CCDC175: variants seen among roughly 807,000 people sequenced by gnomAD.
The protein encoded by CCDC175 is coiled-coil domain-containing protein 175.
Under a neutral mutation model 114.6 loss-of-function variants are expected in CCDC175, and 100 were observed. The observed-to-expected ratio is 0.87, with a 90% CI of 0.74 to 1.03. The LOEUF (loss-of-function observed/expected upper bound fraction) is 1.03, where lower values mean the gene tolerates loss of function less well. Among genes scored for constraint, CCDC175 ranks in the 50% least tolerant of loss-of-function variants. The pLI is 0.00. For synonymous variants in CCDC175, 306 were observed against 308.7 expected (o/e 0.99, Z 0.09); for missense variants, 880 against 917.8 (o/e 0.96, Z 0.53).
At position 59,576,713 on chromosome 14, in the gene CCDC175, G is replaced by T. The variant is rs1462152261; in HGVS notation, c.63C>A (p.Ala21=). Residue 21 remains alanine, a synonymous_variant, in exon 1 of 20, where the codon GCC becomes GCA. Transcript: ENST00000537690. ...GAGEKLVQAA[A]VSTGPSLELC... is the part of the protein sequence containing the mutation. The stretch of plus-strand genomic sequence containing the variant: ...ACTCCAGGGAGGGGCCAGTGGAGAC[G>T]GCAGCCGCCTGCACCAGCTTCTCGC... 1 of 1,479,430 alleles carries T rather than the reference G, an allele frequency of 6.8e-7. No individual in the cohort carries two copies. The allele number at this position is 1,479,430 out of a possible 1,614,324, so 91.6% of individuals were successfully genotyped here. A position where few individuals can be genotyped will look rare whatever the true frequency, so the allele number is the denominator to read the frequency against.
intron 3 of CCDC175, 26 bp from the exon 4 acceptor site, chr14:59,568,406 A>G: frequency 6.8e-7 from 1 of 1,472,828 alleles, no homozygotes; most frequent in Non-Finnish European, 8.9e-7. Flanking sequence ...AAATATTACT[A>G]CATTATTTGA....
intron 7 of CCDC175, among the ~76,000 whole-genome samples, chr14:59,558,778 AT>A (rs1233334955): frequency 2.6e-5 from 4 of 152,186 alleles, no homozygotes; most frequent in Non-Finnish European, 5.9e-5. Context: ...AGCTCAAGTC[AT>A]TGAGGTAAAG....
At position 59,576,660 on chromosome 14, in the gene CCDC175, G is replaced by A; in HGVS notation, c.116C>T (p.Ser39Phe). Reference protein sequence around the residue: ...ELCTLPSTLGSSVAVEALEQL... With the variant: ...ELCTLPSTLGFSVAVEALEQL... ...CTCCAGCGCCTCGACCGCGACCGAG[G>A]AGCCCAGGGTGGAGGGTAAGGTGCA... The change falls in exon 1 of 20, where the codon TCC (serine) becomes TTC (phenylalanine). Residue 39 changes from serine to phenylalanine, a missense_variant. Ser to Phe is a radical substitution (Grantham distance 155, BLOSUM62 -2). Coordinates refer to ENST00000537690, the MANE Select transcript of CCDC175 (RefSeq NM_001164399.2). 3 of 1,476,928 alleles carry A rather than the reference G, an allele frequency of 2.0e-6. No homozygotes were observed. The highest frequency in any genetic ancestry group is 2.7e-6 in the Non-Finnish European group (3 of 1,121,796). The allele number at this position is 1,476,928 out of a possible 1,614,324, so 91.5% of individuals were successfully genotyped here. A position where few individuals can be genotyped will look rare whatever the true frequency, so the allele number is the denominator to read the frequency against.
intron 17 of CCDC175, among the ~76,000 whole-genome samples, chr14:59,518,029 C>T (rs1893206658): frequency 6.6e-6 from 1 of 152,120 alleles, no homozygotes; most frequent in African/African-American, 2.4e-5. Context: ...TATCTACAAC[C>T]ATCTGATCTT....
chr14:59,517,517 A>G (rs1250461946), intron 17 of CCDC175, among the ~76,000 whole-genome samples: 1 of 152,210 alleles, frequency 6.6e-6, no homozygotes. Context: ...GCATTCTTAT[A>G]CACCAATAAC....
At chr14:59,517,016 G>T (rs916053764) in intron 17 of CCDC175, among the ~76,000 whole-genome samples, 9 of 152,024 alleles carry the variant, frequency 5.9e-5, no homozygotes, top group African/African-American at 1.9e-4. Flanking sequence ...TGGTTCAACA[G>T]ACACAAATCA....
chr14:59,543,259 A>G (rs1214274138), intron 10 of CCDC175, 85 bp downstream of exon 10: 1 of 518,662 alleles, frequency 1.9e-6, no homozygotes, highest in Non-Finnish European at 3.3e-6. Flanking sequence ...TATGTTAGAA[A>G]TCAACATAGA....
At chr14:59,523,612 A>G (rs1236880740) in intron 16 of CCDC175, among the ~76,000 whole-genome samples, 1 of 152,238 alleles carries the variant, frequency 6.6e-6, no homozygotes, top group African/African-American at 2.4e-5. Flanking sequence ...CATTGATAAC[A>G]GATCTTGACC....
intron 3 of CCDC175, among the ~76,000 whole-genome samples, chr14:59,570,568 G>A (rs1896791948): frequency 6.6e-6 from 1 of 152,072 alleles, no homozygotes; most frequent in South Asian, 2.1e-4. Flanking sequence ...AAAAAGCTGG[G>A]CAGAGGAGGA....
chr14:59,511,548 TAAAAAA>T (rs34490884), intron 18 of CCDC175, among the ~76,000 whole-genome samples: 1 of 94,648 alleles, frequency 1.1e-5, no homozygotes, highest in African/African-American at 4.1e-5. Context: ...TGATATTTGG[TAAAAAA>T]AAAAAAAAAA....
intron 17 of CCDC175, among the ~76,000 whole-genome samples, chr14:59,521,306 A>G (rs1893414865): frequency 6.6e-6 from 1 of 152,098 alleles, no homozygotes; most frequent in South Asian, 2.1e-4. Context: ...TTGGATTTAC[A>G]CCAGTGGTTT....
intron 14 of CCDC175, among the ~76,000 whole-genome samples, chr14:59,528,524 T>C (rs1261935442): frequency 1.3e-5 from 2 of 152,108 alleles, no homozygotes; most frequent in Non-Finnish European, 2.9e-5. Context: ...TAGAGGAGAT[T>C]TTAGCATGCT....
At chr14:59,517,381 T>C (rs1167892639) in intron 17 of CCDC175, among the ~76,000 whole-genome samples, 2 of 152,188 alleles carry the variant, frequency 1.3e-5, no homozygotes, top group Non-Finnish European at 2.9e-5. Context: ...AATCCAATTG[T>C]CCCTGTTTGC....
intron 16 of CCDC175, among the ~76,000 whole-genome samples, chr14:59,523,536 G>A (rs962604088): frequency 9.9e-5 from 15 of 152,168 alleles, no homozygotes; most frequent in African/African-American, 3.4e-4. Flanking sequence ...TAAGGTTACA[G>A]TCTTAAACGT....
chr14:59,506,698 A>G (rs1892422918), intron 19 of CCDC175, among the ~76,000 whole-genome samples: 2 of 152,302 alleles, frequency 1.3e-5, no homozygotes, highest in South Asian at 4.1e-4. Flanking sequence ...TACTAGGCAA[A>G]TGATTTTCTT....
intron 16 of CCDC175, among the ~76,000 whole-genome samples, chr14:59,523,516 A>G (rs1893541908): frequency 6.6e-6 from 1 of 152,222 alleles, no homozygotes; most frequent in Non-Finnish European, 1.5e-5. Flanking sequence ...ACAATGTATT[A>G]TCCACTTTTT....
At chr14:59,525,221 T>A in intron 16 of CCDC175, 61 bp downstream of exon 16, 1 of 1,185,138 alleles carries the variant, frequency 8.4e-7, no homozygotes. Context: ...CTCTTATAAC[T>A]ATTACAGGTC....
chr14:59,574,827 G>T (rs1030373010), intron 2 of CCDC175, 116 bp downstream of exon 2: 6 of 557,690 alleles, frequency 1.1e-5, no homozygotes, highest in Non-Finnish European at 1.9e-5. Context: ...TTTAAGTTCA[G>T]GGTAACTATA....
rs751396780 is a variant in CCDC175, at chr14:59,521,687, A to C, written c.1996-11T>G. On this transcript the variant is annotated splice_polypyrimidine_tract_variant and intron_variant, in intron 16 of 19. Coordinates refer to ENST00000537690, the MANE Select transcript of CCDC175 (RefSeq NM_001164399.2). ...CAAGTATAAAATATACTGAAAATTAAAAGCATGTGATTGCTTTTAGCAGTT... is the reference window on the plus strand; with the variant it reads ...CAAGTATAAAATATACTGAAAATTACAAGCATGTGATTGCTTTTAGCAGTT... 18 of 1,397,386 alleles carry C rather than the reference A, an allele frequency of 1.3e-5. No individual in the cohort carries two copies. Among genetic ancestry groups the C allele is most frequent in the Non-Finnish European group, 1.8e-5 (18 of 1,020,612 alleles). The allele number at this position is 1,397,386 out of a possible 1,614,324, so 86.6% of individuals were successfully genotyped here.
Sources: allele counts gnomAD v4.1 joint callset (sites outside exome capture counted in the v4.1 genomes callset), GRCh38; gene constraint gnomAD v4.1.1; transcripts MANE v1.5; gene names NCBI Gene and HGNC (gene_info 2026-07-23, HGNC 2026-07-21).